CCR5AS: variants seen among roughly 807,000 people sequenced by gnomAD.
CCR5AS encodes CCR5 antisense RNA.
chr3:46,392,877 G>A (rs935283976), exon 2 of CCR5AS: 83 of 215,412 alleles, frequency 3.9e-4, no homozygotes, highest in South Asian at 1.3e-4. Flanking sequence ...ACCTGAGGTC[G>A]TAGGTGGATC....
Position 46,373,882 on chromosome 3 carries a change from T to C in CCR5AS, n.392-2465A>G, listed in dbSNP as rs968948935. On this transcript the variant is annotated intron_variant and non_coding_transcript_variant, in intron 2 of 3. Coordinates refer to ENST00000451485, the Ensembl canonical transcript of CCR5AS. ...CGCTTCTGCAAATGCTGTTCTATTTTCCAGCAAGAGGCTCCCGAGCGAGCA... is the reference window on the plus strand; with the variant it reads ...CGCTTCTGCAAATGCTGTTCTATTTCCCAGCAAGAGGCTCCCGAGCGAGCA... The C allele has an allele frequency of 2.5e-6, 4 of 1,612,540 alleles. No individual in the cohort carries two copies. In the African/African-American group the frequency reaches 4.0e-5, roughly 16 times the overall value.
chr3:46,378,532 TTGGG>T (rs1701784056), intron 2 of CCR5AS, among the ~76,000 whole-genome samples: 2 of 152,166 alleles, frequency 1.3e-5, no homozygotes, highest in African/African-American at 4.8e-5. Context: ...ATGGCAAGCC[TTGGG>T]TCATACTGCC....
exon 3 of CCR5AS, chr3:46,371,360 A>G (rs1198740616): frequency 6.6e-6 from 1 of 152,228 alleles, no homozygotes; most frequent in Non-Finnish European, 1.5e-5. Context: ...TGTGCCCACA[A>G]GAAGTTGTGT....
At chr3:46,394,571 C>T (rs1202539339) in intron 1 of CCR5AS, among the ~76,000 whole-genome samples, 1 of 152,184 alleles carries the variant, frequency 6.6e-6, no homozygotes, top group Non-Finnish European at 1.5e-5. Flanking sequence ...GGCGCGTGCA[C>T]ACCTGGAGAA....
At chr3:46,385,265 T>G (rs1046046887) in intron 2 of CCR5AS, among the ~76,000 whole-genome samples, 2 of 152,182 alleles carry the variant, frequency 1.3e-5, no homozygotes, top group Non-Finnish European at 1.5e-5. Context: ...CCCCTAACTG[T>G]GTTAAACAAG....
intron 2 of CCR5AS, chr3:46,373,677 A>C (rs910924386): frequency 6.2e-7 from 1 of 1,613,956 alleles, no homozygotes; most frequent in Non-Finnish European, 8.5e-7. Context: ...TCTCCTGAAC[A>C]CCTTCCAGGA....
At chr3:46,379,762 T>C (rs2106759536) in intron 2 of CCR5AS, among the ~76,000 whole-genome samples, 1 of 152,166 alleles carries the variant, frequency 6.6e-6, no homozygotes, top group South Asian at 2.1e-4. Context: ...CCAGACGTGG[T>C]GGCGGGTGCT....
At chr3:46,384,995 G>T (rs1181417731) in intron 2 of CCR5AS, among the ~76,000 whole-genome samples, 2 of 152,194 alleles carry the variant, frequency 1.3e-5, no homozygotes, top group Non-Finnish European at 2.9e-5. Context: ...ATCAGGAGCA[G>T]TGGGCAGTAT....
chr3:46,397,107 A>G (rs1701966979), intron 1 of CCR5AS, among the ~76,000 whole-genome samples: 1 of 152,146 alleles, frequency 6.6e-6, no homozygotes, highest in Admixed American at 6.5e-5. Flanking sequence ...GCCGGCTCCC[A>G]TCCATGCGCC....
intron 2 of CCR5AS, among the ~76,000 whole-genome samples, chr3:46,382,828 A>T (rs1701827748): frequency 6.6e-6 from 1 of 152,194 alleles, no homozygotes; most frequent in Admixed American, 6.5e-5. Flanking sequence ...CTTTGGCATC[A>T]GTGTTTCCTA....
intron 1 of CCR5AS, among the ~76,000 whole-genome samples, chr3:46,403,782 G>T (rs1027164539): frequency 1.3e-5 from 2 of 152,232 alleles, no homozygotes; most frequent in African/African-American, 4.8e-5. Context: ...TTACTAGGAA[G>T]CTACCCAGTA....
At chr3:46,374,979 G>A in intron 2 of CCR5AS, 1 of 167,260 alleles carries the variant, frequency 6.0e-6, no homozygotes, top group Non-Finnish European at 1.5e-5. Flanking sequence ...GTGGATTTGG[G>A]TTGGAAGTGA....
chr3:46,376,957 C>A (rs985732367), intron 2 of CCR5AS, among the ~76,000 whole-genome samples: 1 of 152,058 alleles, frequency 6.6e-6, no homozygotes, highest in African/African-American at 2.4e-5. Flanking sequence ...GCAGCTTGTC[C>A]CTACCAAGAC....
chr3:46,387,859 G>A (rs2106767471), intron 2 of CCR5AS, among the ~76,000 whole-genome samples: 1 of 152,272 alleles, frequency 6.6e-6, no homozygotes, highest in East Asian at 1.9e-4. Context: ...GTTAAAGGGG[G>A]TTGTCCTCTT....
chr3:46,378,404 G>A lies in CCR5AS; in HGVS notation n.392-6987C>T, dbSNP rs183737084. On this transcript the variant is annotated intron_variant and non_coding_transcript_variant, in intron 2 of 3. Coordinates refer to ENST00000451485, the Ensembl canonical transcript of CCR5AS. ...TTGTTACTACGTGGTTTGATAATCCGTTTTGTGTCATTGTGATTCTGTCAT... is the reference window on the plus strand; with the variant it reads ...TTGTTACTACGTGGTTTGATAATCCATTTTGTGTCATTGTGATTCTGTCAT... 2.6e-4 allele frequency among the ~76,000 whole-genome samples: 40 copies of A among 151,812 alleles called. No homozygotes were observed. In the East Asian group the frequency reaches 6.4e-3, roughly 24 times the overall value.
chr3:46,379,331 T>A (rs970684832), intron 2 of CCR5AS, among the ~76,000 whole-genome samples: 9 of 152,108 alleles, frequency 5.9e-5, no homozygotes, highest in Non-Finnish European at 1.0e-4. Flanking sequence ...TTCATCCATG[T>A]CCCTACAAAG....
chr3:46,401,774 T>A (rs1702008130), intron 1 of CCR5AS, among the ~76,000 whole-genome samples: 1 of 148,918 alleles, frequency 6.7e-6, no homozygotes. Flanking sequence ...TTAATAATAT[T>A]AATTTATTAA....
intron 1 of CCR5AS, among the ~76,000 whole-genome samples, chr3:46,404,397 CA>C (rs1426673891): frequency 7.3e-6 from 1 of 137,742 alleles, no homozygotes; most frequent in Non-Finnish European, 1.5e-5. Flanking sequence ...TGCAGTGGCA[CA>C]ATCTTGGCTC....
At chr3:46,383,930 A>G (rs1701835652) in intron 2 of CCR5AS, among the ~76,000 whole-genome samples, 1 of 152,218 alleles carries the variant, frequency 6.6e-6, no homozygotes, top group Non-Finnish European at 1.5e-5. Context: ...AAAAGCAAGC[A>G]AAAAGGCAAA....
Sources: allele counts gnomAD v4.1 joint callset (sites outside exome capture counted in the v4.1 genomes callset), GRCh38; gene constraint gnomAD v4.1.1; transcripts MANE v1.5; gene names NCBI Gene and HGNC (gene_info 2026-07-23, HGNC 2026-07-21).